Variants in SV2B observed in about 807,000 individuals in gnomAD.
The protein encoded by SV2B is synaptic vesicle glycoprotein 2B.
SV2B carries 41 observed loss-of-function variants against 73.9 expected under a neutral mutation model. The observed-to-expected ratio is 0.56, with a 90% confidence interval of 0.43 to 0.72. The LOEUF is 0.72. Among genes scored for constraint, SV2B ranks in the 30% least tolerant of loss-of-function variants. SV2B has a pLI of 0.00. For synonymous variants in SV2B, 314 were observed against 314.2 expected, an observed-to-expected ratio of 1.00 and a Z score of 0.01; for missense variants, 764 against 857.8, an observed-to-expected ratio of 0.89 and a Z score of 1.37.
At chr15:91,225,306 G>A (rs1467107648) in intron 1 of SV2B, among the ~76,000 whole-genome samples, 1 of 144,270 alleles carries the variant, frequency 6.9e-6, no homozygotes. Context: ...AAATGTTTCC[G>A]GCTATTTTTT....
chr15:91,247,059 C>G (rs537701445), intron 2 of SV2B, among the ~76,000 whole-genome samples: 5 of 152,134 alleles, frequency 3.3e-5, no homozygotes. Flanking sequence ...TTTCCCTTCC[C>G]TGGTGATAGG....
At position 91,267,762 on chromosome 15, in the gene SV2B, A is replaced by C. The variant is rs2048156612; in HGVS notation, c.1208+119A>C. 2 of 861,336 alleles carry C rather than the reference A, an allele frequency of 2.3e-6. No homozygotes were observed. The highest frequency in any genetic ancestry group is 3.0e-5 in the South Asian group (2 of 67,196). 53.4% of individuals were successfully genotyped at this position (861,336 alleles called of 1,614,324 possible). ...GTATCAGGTAGGATGCTTTGGTGGCAAGTAGCAGAAAACCAACTCTAGTGG... is the reference window on the plus strand; with the variant it reads ...GTATCAGGTAGGATGCTTTGGTGGCCAGTAGCAGAAAACCAACTCTAGTGG... On this transcript the variant is annotated intron_variant, in intron 8 of 12. Coordinates refer to ENST00000394232, the MANE Select transcript of SV2B (RefSeq NM_001323032.3). This position sits in a 1 kb window ranked among gnomAD's most constrained non-coding sequence, Gnocchi z 4.3.
In SV2B at chr15:91,144,134, T is replaced by C. The variant is rs78251139; in HGVS notation, c.-392+43771T>C. Reference sequence around the variant, plus strand: ...GTACTTGTTGGTGATGCCACACATATTTTACTTTGAAGAAGCCAGATAATG... The same window carrying C: ...GTACTTGTTGGTGATGCCACACATACTTTACTTTGAAGAAGCCAGATAATG... On this transcript the variant is annotated intron_variant, in intron 1 of 12. Coordinates refer to ENST00000394232, the MANE Select transcript of SV2B (RefSeq NM_001323032.3). Among the ~76,000 whole-genome samples, 794 of 152,326 alleles carry C rather than the reference T, an allele frequency of 5.2e-3. 6 individuals are homozygous for C. Among genetic ancestry groups the C allele is most frequent in the African/African-American group, 0.018 (728 of 41,568 alleles).
At position 91,245,668 on chromosome 15, in the gene SV2B, G is replaced by A. The variant is rs2047194081; in HGVS notation, c.452-6151G>A. Among the ~76,000 whole-genome samples, 1 of 152,044 alleles carries A rather than the reference G, an allele frequency of 6.6e-6. No homozygotes were observed. Among genetic ancestry groups the A allele is most frequent in the South Asian group, 2.1e-4 (1 of 4,824 alleles). On this transcript the variant is annotated intron_variant, in intron 2 of 12. Coordinates refer to ENST00000394232, the MANE Select transcript of SV2B (RefSeq NM_001323032.3). The surrounding 1 kb of genome is among the most constrained non-coding windows in gnomAD (Gnocchi z 4.2). The stretch of plus-strand genomic sequence containing the variant: ...AACTCTCCTCAAGCAAAATCAACAT[G>A]GTCCCTTCGTCCAGGAGTTTACAGT...
Position 91,283,063 on chromosome 15 carries a change from C to T in SV2B, c.1508-958C>T, listed in dbSNP as rs143262546. Reference sequence around the variant, plus strand: ...AGCAGTGGAGATGATCATGTGCACTCTTCCAATTTTGTAGATTTTGTAGGT... The same window carrying T: ...AGCAGTGGAGATGATCATGTGCACTTTTCCAATTTTGTAGATTTTGTAGGT... On this transcript the variant is annotated intron_variant, in intron 10 of 12. Transcript: ENST00000394232. This position sits in a 1 kb window ranked among gnomAD's most constrained non-coding sequence, Gnocchi z 4.3. Among the ~76,000 whole-genome samples, 778 of 152,286 alleles carry T rather than the reference C, an allele frequency of 5.1e-3. 10 individuals are homozygous for T. The highest frequency in any genetic ancestry group is 0.017 in the African/African-American group (725 of 41,558).
At chr15:91,192,113 T>G (rs1396553706) in intron 1 of SV2B, among the ~76,000 whole-genome samples, 1 of 152,220 alleles carries the variant, frequency 6.6e-6, no homozygotes, top group Non-Finnish European at 1.5e-5. Flanking sequence ...TTTTATACAT[T>G]TTTAAAAGTC....
chr15:91,188,954 A>G (rs895563841), intron 1 of SV2B, among the ~76,000 whole-genome samples: 4 of 151,872 alleles, frequency 2.6e-5, no homozygotes, highest in African/African-American at 9.7e-5. Context: ...GGCCTCCCAA[A>G]TAGCTGGCAT....
chr15:91,182,910 C>A (rs889980570), intron 1 of SV2B, among the ~76,000 whole-genome samples: 1 of 152,206 alleles, frequency 6.6e-6, no homozygotes, highest in African/African-American at 2.4e-5. Context: ...TGTTATTCAT[C>A]TGTATACCCA....
At chr15:91,235,606 T>C (rs1310717925) in intron 2 of SV2B, among the ~76,000 whole-genome samples, 2 of 152,168 alleles carry the variant, frequency 1.3e-5, no homozygotes, top group Non-Finnish European at 2.9e-5. Context: ...CATTTTATCA[T>C]GTGAGATACA....
chr15:91,194,493 G>T (rs544072306), intron 1 of SV2B, among the ~76,000 whole-genome samples: 1 of 152,200 alleles, frequency 6.6e-6, no homozygotes, highest in Non-Finnish European at 1.5e-5. Flanking sequence ...GAATACCCAG[G>T]AGTGGATTTG....
Position 91,292,448 on chromosome 15 carries a change from G to T in SV2B, c.1948G>T (p.Gly650Trp). 6.2e-7 allele frequency: 1 copy of T among 1,614,140 alleles called. No individual in the cohort carries two copies. Among genetic ancestry groups the T allele is most frequent in the Non-Finnish European group, 8.5e-7 (1 of 1,180,018 alleles). ...AAACACCATCTTTGCTTCTTTTGTT[G>T]GGATAACCAAAGTGGTCCCCATCCT... ...LGNTIFASFV[G>W]ITKVVPILLA... The change falls in exon 13 of 13, where the codon GGG (glycine) becomes TGG (tryptophan). Residue 650 changes from glycine (G) to tryptophan (W), a missense_variant. By Grantham distance (184) the Gly-to-Trp change is radical. Transcript: ENST00000394232.
chr15:91,181,027 T>A (rs1265538713), intron 1 of SV2B, among the ~76,000 whole-genome samples: 3 of 152,224 alleles, frequency 2.0e-5, no homozygotes, highest in Non-Finnish European at 4.4e-5. Flanking sequence ...TGTGGTTTTA[T>A]CTACTTTTGG....
intron 9 of SV2B, among the ~76,000 whole-genome samples, chr15:91,278,178 C>T (rs571505126): frequency 6.6e-6 from 1 of 152,290 alleles, no homozygotes; most frequent in South Asian, 2.1e-4. Context: ...GGGCTACACA[C>T]AGTAAAAGTA....
chr15:91,264,212 C>A (rs57788091), intron 6 of SV2B, among the ~76,000 whole-genome samples: 14,875 of 152,346 alleles, frequency 0.098, 1,579 homozygotes, highest in African/African-American at 0.27. Context: ...CTACACCAAC[C>A]AAACAGGCCC....
Position 91,183,613 on chromosome 15 carries a change from C to T in SV2B, c.-391-42260C>T, listed in dbSNP as rs185516105. Among the ~76,000 whole-genome samples, 136 of 152,348 alleles carry T rather than the reference C, an allele frequency of 8.9e-4. 1 individual carries two copies. The highest frequency in any genetic ancestry group is 3.1e-3 in the African/African-American group (128 of 41,586). ...TGTTTATAAGATGTCATCTTGCCTT[C>T]CCCATAGCCTAAGTTCCCCTGTTGA... On this transcript the variant is annotated intron_variant, in intron 1 of 12. Coordinates refer to ENST00000394232, the MANE Select transcript of SV2B (RefSeq NM_001323032.3).
chr15:91,151,912 A>G (rs1480757604), intron 1 of SV2B, among the ~76,000 whole-genome samples: 1 of 152,208 alleles, frequency 6.6e-6, no homozygotes, highest in Non-Finnish European at 1.5e-5. Context: ...GATGCAAGAA[A>G]ACAGTAGTTA....
chr15:91,176,894 A>T (rs181287704), intron 1 of SV2B, among the ~76,000 whole-genome samples: 2,786 of 152,122 alleles, frequency 0.018, 82 homozygotes, highest in African/African-American at 0.063. Context: ...TCTTTAGTTT[A>T]ATTAGATCCC....
At position 91,106,770 on chromosome 15, in the gene SV2B, C is replaced by T. The variant is rs551416875; in HGVS notation, c.-392+6407C>T. On this transcript the variant is annotated intron_variant, in intron 1 of 12. Coordinates refer to ENST00000394232, the MANE Select transcript of SV2B (RefSeq NM_001323032.3). The surrounding 1 kb of genome is among the most constrained non-coding windows in gnomAD (Gnocchi z 4.4). ...GTACTGCTCTTAATTTAAGATGAGG[C>T]AGAAGCAAGGAAGAATCTTGAAAGG... is the stretch of plus-strand genomic sequence containing the variant. Among the ~76,000 whole-genome samples the T allele has an allele frequency of 6.6e-6, 1 of 152,124 alleles. No homozygotes were observed. The highest frequency in any genetic ancestry group is 2.4e-5 in the African/African-American group (1 of 41,432).
intron 11 of SV2B, among the ~76,000 whole-genome samples, chr15:91,285,258 C>A (rs933740194): frequency 1.3e-5 from 2 of 152,166 alleles, no homozygotes; most frequent in African/African-American, 4.8e-5. Context: ...CCTGTGACTT[C>A]AGCTTTTTAA....
Sources: allele counts gnomAD v4.1 joint callset (sites outside exome capture counted in the v4.1 genomes callset), GRCh38; gene constraint gnomAD v4.1.1; non-coding constraint Gnocchi (gnomAD v3.1); transcripts MANE v1.5; gene names NCBI Gene and HGNC (gene_info 2026-07-23, HGNC 2026-07-21).